The following TCHP variants were observed in gnomAD, a reference collection of about 807,000 sequenced individuals.
TCHP encodes the protein trichoplein keratin filament binding.
Under a neutral mutation model 88.7 loss-of-function variants are expected in TCHP, and 81 were observed. That is an observed-to-expected ratio of 0.91 (90% CI 0.76 to 1.10). The LOEUF is 1.10. Among genes scored for constraint, TCHP ranks in the 50% least tolerant of loss-of-function variants. The pLI is 0.00. For synonymous variants in TCHP, 232 were observed against 232.5 expected (o/e 1.00, Z 0.02); for missense variants, 641 against 632.1 (o/e 1.01, Z -0.15).
At position 109,908,646 on chromosome 12, in the gene TCHP, C is replaced by G; in HGVS notation, c.760C>G (p.Leu254Val). 2 of 1,602,126 alleles carry G rather than the reference C, an allele frequency of 1.2e-6. No individual in the cohort carries two copies. Among genetic ancestry groups the G allele is most frequent in the Middle Eastern group, 1.7e-4 (1 of 6,048 alleles). The change falls in exon 7 of 13, where the codon CTG (leucine) becomes GTG (valine). Residue 254 changes from leucine (L) to valine (V), a missense_variant. Leu to Val is a conservative substitution (Grantham distance 32, BLOSUM62 1). Coordinates refer to ENST00000405876, the MANE Select transcript of TCHP (RefSeq NM_001143852.2). ...GAAGCAGCGGTGGGAGCTAGAGAGG[C>G]TGGAGGAAGAGCGAAAGCAGATGGA... ...LLKQRWELER[L>V]EEERKQMEAF...
chr12:109,889,875 A>G, the TCHP span, among the ~76,000 whole-genome samples: 4 of 151,758 alleles, frequency 2.6e-5, no homozygotes, highest in African/African-American at 7.3e-5. Flanking sequence ...TGTTGAGCCA[A>G]CTCCTCTGGG....
Position 109,904,008 on chromosome 12 carries a change from T to C in TCHP, c.260T>C (p.Leu87Pro). 1 of 1,610,742 alleles carries C rather than the reference T, an allele frequency of 6.2e-7. No individual in the cohort carries two copies. The highest frequency in any genetic ancestry group is 8.5e-7 in the Non-Finnish European group (1 of 1,178,608). The change falls in exon 3 of 13, where the codon CTC (leucine) becomes CCC (proline). Residue 87 changes from leucine (L) to proline (P), a missense_variant. Transcript: ENST00000405876. ...RRSLEARREK[L>P]RQLMQEEQDL... ...AGTCTGGAGGCCCGACGGGAAAAGC[T>C]CAGGCAGCTCATGCAGGAGGAGCAG...
At position 109,908,505 on chromosome 12, in the gene TCHP, A is replaced by G. The variant is rs112881126; in HGVS notation, c.700-81A>G. ...GCCTCTGTTGGTGTAGTGTCTGCGA[A>G]AAATGGAGATGGAGAATGAAGGAAG... On this transcript the variant is annotated intron_variant, in intron 6 of 12. Transcript: ENST00000405876. The G allele has an allele frequency of 3.2e-6, 4 of 1,267,578 alleles. No individual in the cohort carries two copies. The African/African-American group carries it at 4.4e-5, about 14-fold the overall frequency. The allele number at this position is 1,267,578 out of a possible 1,614,324, so 78.5% of individuals were successfully genotyped here.
the TCHP span, among the ~76,000 whole-genome samples, chr12:109,882,415 G>A: frequency 1.5e-4 from 22 of 144,088 alleles, no homozygotes; most frequent in South Asian, 5.0e-3. Context: ...GCCAGAGCGA[G>A]CGAGACTCCG....
chr12:109,913,713 C>G (rs1870639648), intron 10 of TCHP, among the ~76,000 whole-genome samples: 1 of 152,164 alleles, frequency 6.6e-6, no homozygotes, highest in Non-Finnish European at 1.5e-5. Context: ...GGGCTGAAAG[C>G]TGTTGTAAAG....
At chr12:109,882,713 G>A in the TCHP span, among the ~76,000 whole-genome samples, 1 of 144,616 alleles carries the variant, frequency 6.9e-6, no homozygotes, top group Non-Finnish European at 1.5e-5. Flanking sequence ...GGAGTACAGT[G>A]GTGGTGCAAT....
chr12:109,890,396 A>C, the TCHP span, among the ~76,000 whole-genome samples: 1 of 151,462 alleles, frequency 6.6e-6, no homozygotes, highest in Non-Finnish European at 1.5e-5. Flanking sequence ...GCTTAAGCCC[A>C]GGAGATAGAG....
intron 8 of TCHP, among the ~76,000 whole-genome samples, chr12:109,909,538 G>A (rs902326036): frequency 3.9e-5 from 6 of 152,288 alleles, no homozygotes; most frequent in African/African-American, 4.8e-5. Flanking sequence ...TAAAAAGATC[G>A]GCCAGGTGCG....
At position 109,916,665 on chromosome 12, in the gene TCHP, GC is replaced by G; in HGVS notation, c.*43del. On this transcript the variant is annotated 3_prime_UTR_variant, in exon 13 of 13. Coordinates refer to ENST00000405876, the MANE Select transcript of TCHP (RefSeq NM_001143852.2). The stretch of plus-strand genomic sequence containing the variant: ...AGTACAGAGAACAAGGGATGCTGAG[GC>G]TTCTGATCCCAGCCGCCAGGCAGTT... 1 of 1,599,632 alleles carries G rather than the reference GC, an allele frequency of 6.3e-7. No individual in the cohort carries two copies. The highest frequency in any genetic ancestry group is 8.5e-7 in the Non-Finnish European group (1 of 1,173,738).
chr12:109,885,769 C>A, the TCHP span, among the ~76,000 whole-genome samples: 2 of 151,762 alleles, frequency 1.3e-5, no homozygotes, highest in East Asian at 3.9e-4. Context: ...GCGTGAGACA[C>A]CGCACCCCGC....
In TCHP at chr12:109,905,055, T is replaced by G. The variant is rs1004003576; in HGVS notation, c.456+262T>G. 6.3e-6 allele frequency: 3 copies of G among 479,390 alleles called. No individual in the cohort carries two copies. Among genetic ancestry groups the G allele is most frequent in the Non-Finnish European group, 1.1e-5 (3 of 267,784 alleles). The allele number at this position is 479,390 out of a possible 1,614,324, so 29.7% of individuals were successfully genotyped here. On this transcript the variant is annotated intron_variant, in intron 4 of 12. Transcript: ENST00000405876. The surrounding 1 kb of genome is among the most constrained non-coding windows in gnomAD (Gnocchi z 4.0). ...TTAGACATGGTTTCTGCTCATTAGC[T>G]TGTGTCCAGCATGGGAGCTCATTAC...
upstream of TCHP, among the ~76,000 whole-genome samples, chr12:109,899,401 A>G (rs572138135): frequency 6.6e-6 from 1 of 152,242 alleles, no homozygotes; most frequent in African/African-American, 2.4e-5. Flanking sequence ...GCACTTTGGG[A>G]GCCTGAGGCA....
chr12:109,884,399 A>C, the TCHP span, among the ~76,000 whole-genome samples: 1 of 152,118 alleles, frequency 6.6e-6, no homozygotes, highest in Non-Finnish European at 1.5e-5. Flanking sequence ...CGTGTTAGCC[A>C]GGGTGGTCTG....
intron 8 of TCHP, among the ~76,000 whole-genome samples, chr12:109,909,210 TGATG>T (rs1437914669): frequency 6.6e-6 from 1 of 152,130 alleles, no homozygotes; most frequent in Non-Finnish European, 1.5e-5. Context: ...AACTGTGAGG[TGATG>T]GATATGTTAA....
chr12:109,908,095 G>A (rs902349268), intron 6 of TCHP, among the ~76,000 whole-genome samples: 15 of 152,010 alleles, frequency 9.9e-5, no homozygotes, highest in African/African-American at 3.1e-4. Context: ...TGGTCCAGGG[G>A]CTGTTTTTGG....
At chr12:109,906,352 G>A (rs1297547678) in intron 4 of TCHP, among the ~76,000 whole-genome samples, 1 of 152,206 alleles carries the variant, frequency 6.6e-6, no homozygotes, top group African/African-American at 2.4e-5. Flanking sequence ...AAAGATTGGT[G>A]TAGGAGTGCC....
At chr12:109,891,369 A>G in the TCHP span, among the ~76,000 whole-genome samples, 2 of 151,612 alleles carry the variant, frequency 1.3e-5, no homozygotes, top group African/African-American at 4.9e-5. Context: ...AAGATATAGT[A>G]ATGGGCTTTC....
In TCHP at chr12:109,913,202, A is replaced by G. The variant is rs569345237; in HGVS notation, c.1134+130A>G. 1.8e-5 allele frequency: 14 copies of G among 774,798 alleles called. No individual in the cohort carries two copies. In the East Asian group the frequency reaches 1.9e-4, roughly 10 times the overall value. 48.0% of individuals were successfully genotyped at this position (774,798 alleles called of 1,614,324 possible). On this transcript the variant is annotated intron_variant, in intron 10 of 12. Transcript: ENST00000405876. The stretch of plus-strand genomic sequence containing the variant: ...CTGGTCATTTTAAGTGGGCTTTAAA[A>G]ATCATTGAAAAAGTAATATGAGCTT...
rs1020713951 is a variant in TCHP at position 109,914,434 on chromosome 12, G to T, written c.1135-8G>T. ...TCAAAGCTGCCCTTTTCTTTCTGCT[G>T]AGGTTAGGTTCTGACAGGGAGACAA... On this transcript the variant is annotated splice_polypyrimidine_tract_variant and splice_region_variant and intron_variant, in intron 10 of 12. Coordinates refer to ENST00000405876, the MANE Select transcript of TCHP (RefSeq NM_001143852.2). 1 of 1,605,388 alleles carries T rather than the reference G, an allele frequency of 6.2e-7. No homozygotes were observed. Among genetic ancestry groups the T allele is most frequent in the Non-Finnish European group, 8.5e-7 (1 of 1,173,960 alleles).
Sources: gnomAD v4.1 joint callset for allele counts (sites outside exome capture counted in the v4.1 genomes callset) on GRCh38, gnomAD v4.1.1 for gene constraint, Gnocchi (gnomAD v3.1) non-coding constraint, MANE v1.5 for transcripts, NCBI Gene and HGNC (gene_info 2026-07-23, HGNC 2026-07-21) for gene names.